Variants in ROBO2 observed in about 807,000 individuals in gnomAD.
ROBO2 encodes roundabout guidance receptor 2, also known as roundabout homolog 2.
In ROBO2, 53 loss-of-function variants were observed where a neutral mutation model predicts 160.8. The observed-to-expected ratio is 0.33, with a 90% CI of 0.26 to 0.41. ROBO2 has a LOEUF of 0.41. Among genes scored for constraint, ROBO2 ranks in the 10% least tolerant of loss-of-function variants. The probability of loss-of-function intolerance (pLI) is 1.00; values close to 1 mark genes in which losing one functional copy is unlikely to be tolerated. For synonymous variants in ROBO2, 664 were observed against 611.7 expected, an observed-to-expected ratio of 1.09 and a Z score of -1.26; for missense variants, 1,577 against 1,722.4, an observed-to-expected ratio of 0.92 and a Z score of 1.49.
At chr3:77,603,183 A>G (rs2094465390) in intron 20 of ROBO2, 1 of 418,052 alleles carries the variant, frequency 2.4e-6, no homozygotes, top group Non-Finnish European at 4.9e-6. Flanking sequence ...TCAAATGACA[A>G]CAGTTTATGC....
chr3:76,723,684 C>G (rs539458055), intron 2 of ROBO2, among the ~76,000 whole-genome samples: 28 of 152,324 alleles, frequency 1.8e-4, no homozygotes, highest in African/African-American at 6.3e-4. Context: ...CCATTCATCT[C>G]CATTCATTAA....
chr3:77,563,300 A>G (rs1308615757), exon 11 of ROBO2: 2 of 1,613,570 alleles, frequency 1.2e-6, no homozygotes, highest in Middle Eastern at 1.7e-4. Context: ...GAACCCTTCC[A>G]GCAAGTGCAT....
At chr3:76,860,144 G>C (rs2070591748) in intron 2 of ROBO2, among the ~76,000 whole-genome samples, 1 of 152,074 alleles carries the variant, frequency 6.6e-6, no homozygotes, top group African/African-American at 2.4e-5. Context: ...GATGAGAGTG[G>C]CCAAGTGATT....
chr3:76,524,881 T>C (rs879732141), intron 2 of ROBO2, among the ~76,000 whole-genome samples: 2 of 40,218 alleles, frequency 5.0e-5, no homozygotes, highest in Admixed American at 2.9e-4. Flanking sequence ...TAAAATCAGA[T>C]ACATCAAATA....
At chr3:77,562,521 C>A in intron 9 of ROBO2, 130 bp from the exon 11 acceptor site, 1 of 659,392 alleles carries the variant, frequency 1.5e-6, no homozygotes. Context: ...ATGATTGACT[C>A]TAATGCATAA....
chr3:77,467,145 T>G (rs1429273280), intron 2 of ROBO2, among the ~76,000 whole-genome samples: 1 of 152,316 alleles, frequency 6.6e-6, no homozygotes, highest in African/African-American at 2.4e-5. Flanking sequence ...TTTATTTCCT[T>G]TATTCAAATG....
chr3:76,851,552 G>A (rs62261828), intron 2 of ROBO2, among the ~76,000 whole-genome samples: 1 of 150,134 alleles, frequency 6.7e-6, no homozygotes, highest in Non-Finnish European at 1.5e-5. Context: ...TGGCTAACAA[G>A]GTGAAACCCC....
At chr3:77,193,422 A>G (rs1203304498) in intron 2 of ROBO2, among the ~76,000 whole-genome samples, 1 of 151,528 alleles carries the variant, frequency 6.6e-6, no homozygotes, top group Admixed American at 6.6e-5. Context: ...CTGGGAATAC[A>G]ATAGTACACC....
chr3:77,010,097 A>C lies in ROBO2; in HGVS notation c.110-87917A>C, dbSNP rs548679337. Among the ~76,000 whole-genome samples, 3 of 152,284 alleles carry C rather than the reference A, an allele frequency of 2.0e-5. No homozygotes were observed. In the East Asian group the frequency reaches 5.8e-4, roughly 29 times the overall value. On this transcript the variant is annotated intron_variant, in intron 2 of 26. Coordinates refer to the ROBO2 transcript ENST00000487694. ...CTATACAAGCAAAATCAGAAAGCCT[A>C]TCCAAAGTATCAGATTTTAGGTTTG...
chr3:76,502,553 T>A (rs1368978803), intron 2 of ROBO2, among the ~76,000 whole-genome samples: 1 of 152,226 alleles, frequency 6.6e-6, no homozygotes, highest in Non-Finnish European at 1.5e-5. Context: ...ATTTGCTTCA[T>A]CCATTCTTTT....
chr3:76,090,062 C>G lies in ROBO2; in HGVS notation c.109+152460C>G, dbSNP rs115402705. ...AGCACAATTTGAAATTACAAACACA[C>G]TAACATTTACATTAGTACCCTTCAA... On this transcript the variant is annotated intron_variant, in intron 2 of 26. Transcript: ENST00000487694. Among the ~76,000 whole-genome samples, 170 of 152,290 alleles carry G rather than the reference C, an allele frequency of 1.1e-3. 1 individual carries two copies. The highest frequency in any genetic ancestry group is 3.8e-3 in the African/African-American group (159 of 41,576).
intron 2 of ROBO2, among the ~76,000 whole-genome samples, chr3:76,520,985 C>A (rs933767213): frequency 5.3e-5 from 8 of 150,364 alleles, no homozygotes; most frequent in African/African-American, 2.0e-4. Flanking sequence ...CTTAAAGGTG[C>A]CTCTCATATT....
At chr3:76,486,813 A>G (rs2079522679) in intron 2 of ROBO2, among the ~76,000 whole-genome samples, 1 of 152,212 alleles carries the variant, frequency 6.6e-6, no homozygotes, top group Non-Finnish European at 1.5e-5. Flanking sequence ...TGAATGGAAG[A>G]GCAGACAGGG....
At chr3:76,715,086 G>C (rs575175547) in intron 2 of ROBO2, among the ~76,000 whole-genome samples, 1 of 152,152 alleles carries the variant, frequency 6.6e-6, no homozygotes, top group South Asian at 2.1e-4. Context: ...AATGATTAGG[G>C]ATAAAATAGG....
chr3:76,039,360 T>C (rs560700300), intron 2 of ROBO2, among the ~76,000 whole-genome samples: 1 of 152,146 alleles, frequency 6.6e-6, no homozygotes, highest in Non-Finnish European at 1.5e-5. Flanking sequence ...AGGAGTTCAT[T>C]TGACAGTAAG....
rs534318271 is a variant in ROBO2, at chr3:76,503,491, T to C, written c.109+565889T>C. Among the ~76,000 whole-genome samples the C allele has an allele frequency of 1.7e-4, 26 of 152,324 alleles. 2 individuals carry two copies. The South Asian group carries it at 5.0e-3, about 29-fold the overall frequency. On this transcript the variant is annotated intron_variant, in intron 2 of 26. Transcript: ENST00000487694. ...AAAAAGTATCGGTATACTGAAAAGA[T>C]GTTTGAACTCCCATGTTCATTGCAG...
chr3:77,544,690 T>C (rs910049789), intron 6 of ROBO2, among the ~76,000 whole-genome samples: 4 of 152,078 alleles, frequency 2.6e-5, no homozygotes, highest in Admixed American at 2.0e-4. Context: ...TGATTTCCAG[T>C]GACAGTTTTT....
intron 5 of ROBO2, among the ~76,000 whole-genome samples, chr3:77,510,438 C>T (rs1051784773): frequency 3.3e-5 from 5 of 151,964 alleles, no homozygotes; most frequent in African/African-American, 7.2e-5. Context: ...CAGGATCCGA[C>T]ATTTGAACCT....
chr3:76,459,872 TATA>T (rs1472359365), intron 2 of ROBO2, among the ~76,000 whole-genome samples: 1 of 152,136 alleles, frequency 6.6e-6, no homozygotes, highest in Non-Finnish European at 1.5e-5. Flanking sequence ...TTTCCTCATC[TATA>T]ATATGACAAA....
Sources: allele counts gnomAD v4.1 joint callset (sites outside exome capture counted in the v4.1 genomes callset), GRCh38; gene constraint gnomAD v4.1.1; transcripts MANE v1.5; gene names NCBI Gene and HGNC (gene_info 2026-07-23, HGNC 2026-07-21).